Variants in BCAR3 observed in about 807,000 individuals in gnomAD.
BCAR3 encodes BCAR3 adaptor protein, NSP family member, also known as breast cancer anti-estrogen resistance protein 3.
BCAR3 carries 37 observed loss-of-function variants against 80.1 expected under a neutral mutation model. That is an observed-to-expected ratio of 0.46 (90% CI 0.36 to 0.61). BCAR3 has a LOEUF of 0.61. BCAR3 is among the 20% of genes least tolerant of loss of function. BCAR3 has a pLI of 0.00. For synonymous variants in BCAR3, 389 were observed against 418.9 expected, an observed-to-expected ratio of 0.93 and a Z score of 0.87; for missense variants, 978 against 1,068.2, an observed-to-expected ratio of 0.92 and a Z score of 1.18.
intron 9 of BCAR3, among the ~76,000 whole-genome samples, chr1:93,569,777 A>G (rs947952440): frequency 6.6e-6 from 1 of 152,202 alleles, no homozygotes; most frequent in African/African-American, 2.4e-5. Context: ...CCTACAAAGC[A>G]TGGTAATGTG....
At chr1:93,599,176 G>T (rs12075032) in intron 3 of BCAR3, 2 of 152,060 alleles carry the variant, frequency 1.3e-5, no homozygotes, top group Non-Finnish European at 2.9e-5. Flanking sequence ...ACTGAGCGAA[G>T]AAGATACTCT....
intron 3 of BCAR3, among the ~76,000 whole-genome samples, chr1:93,607,576 G>A (rs186972573): frequency 6.1e-4 from 93 of 151,524 alleles, no homozygotes; most frequent in African/African-American, 2.0e-3. Flanking sequence ...CACTCACTCC[G>A]CATCCAAGCC....
At chr1:93,800,303 G>T (rs1407493140) in intron 2 of BCAR3, among the ~76,000 whole-genome samples, 2 of 152,134 alleles carry the variant, frequency 1.3e-5, no homozygotes, top group Non-Finnish European at 2.9e-5. Flanking sequence ...GCTGGGCATG[G>T]TGGCTCACAT....
At chr1:93,608,038 A>G (rs1674832376) in intron 3 of BCAR3, among the ~76,000 whole-genome samples, 1 of 152,170 alleles carries the variant, frequency 6.6e-6, no homozygotes, top group South Asian at 2.1e-4. Context: ...TAGTTCCTCA[A>G]ATCTCATCTT....
At chr1:93,749,147 GGTGT>G (rs57871721) in intron 2 of BCAR3, among the ~76,000 whole-genome samples, 1 of 150,458 alleles carries the variant, frequency 6.6e-6, no homozygotes, top group Admixed American at 6.6e-5. Context: ...AACAAATAAT[GGTGT>G]GTGTGTGTGT....
intron 2 of BCAR3, among the ~76,000 whole-genome samples, chr1:93,669,777 A>G (rs1439014143): frequency 6.6e-6 from 1 of 152,244 alleles, no homozygotes. Context: ...ATGAATTAAC[A>G]GCATTTGCAG....
rs1672698277 is a variant in BCAR3, at chr1:93,562,121, T to C, written c.*120A>G. 1 of 1,028,764 alleles carries C rather than the reference T, an allele frequency of 9.7e-7. No homozygotes were observed. Among genetic ancestry groups the C allele is most frequent in the Non-Finnish European group, 1.4e-6 (1 of 715,690 alleles). 63.7% of individuals were successfully genotyped at this position (1,028,764 alleles called of 1,614,324 possible). On this transcript the variant is annotated 3_prime_UTR_variant, in exon 12 of 12. Coordinates refer to ENST00000260502, the MANE Select transcript of BCAR3 (RefSeq NM_003567.4). ...ATTTACACGTTTAATATCCTGTGGA[T>C]ACTAAAAGCTTGTATATTGTCAGAT...
At chr1:93,589,618 C>T (rs938630194) in intron 4 of BCAR3, among the ~76,000 whole-genome samples, 199 bp from the exon 5 acceptor site, 7 of 152,352 alleles carry the variant, frequency 4.6e-5, no homozygotes, top group Middle Eastern at 3.4e-3. Context: ...ACCACCTACT[C>T]GTGCCAAGCA....
At chr1:93,802,358 C>G (rs780478040) in intron 2 of BCAR3, among the ~76,000 whole-genome samples, 6 of 151,960 alleles carry the variant, frequency 3.9e-5, no homozygotes, top group South Asian at 2.1e-4. Context: ...TTCCAGTCAG[C>G]CTTTGACACC....
chr1:93,621,229 C>T (rs1675297495), intron 3 of BCAR3, among the ~76,000 whole-genome samples: 1 of 152,218 alleles, frequency 6.6e-6, no homozygotes, highest in African/African-American at 2.4e-5. Context: ...TGGTCATAAG[C>T]TGATCATGGG....
At chr1:93,787,648 AG>A (rs1489216327) in intron 2 of BCAR3, among the ~76,000 whole-genome samples, 1 of 152,136 alleles carries the variant, frequency 6.6e-6, no homozygotes, top group Non-Finnish European at 1.5e-5. Flanking sequence ...GTTTATTTCC[AG>A]TTTTATTCCA....
At chr1:93,660,102 G>A (rs755370150) in intron 2 of BCAR3, among the ~76,000 whole-genome samples, 3 of 151,924 alleles carry the variant, frequency 2.0e-5, no homozygotes, top group Non-Finnish European at 2.9e-5. Context: ...ATACGCGGAA[G>A]ACCTAGACCT....
At position 93,764,785 on chromosome 1, in the gene BCAR3, A is replaced by G. The variant is rs139150948; in HGVS notation, c.-62-58643T>C. Among the ~76,000 whole-genome samples, 827 of 152,034 alleles carry G rather than the reference A, an allele frequency of 5.4e-3. 3 individuals are homozygous for G. The highest frequency in any genetic ancestry group is 0.019 in the African/African-American group (777 of 41,450). On this transcript the variant is annotated intron_variant, in intron 2 of 13. Coordinates refer to the BCAR3 transcript ENST00000370244. ...CTGGTCAGAATGCTTCCTCTCTTCA[A>G]TTTTGGTATCTAGCTCTCCTTTGGG... is the stretch of plus-strand genomic sequence containing the variant.
intron 2 of BCAR3, among the ~76,000 whole-genome samples, chr1:93,651,200 C>T (rs1256534696): frequency 6.6e-6 from 1 of 152,128 alleles, no homozygotes; most frequent in Admixed American, 6.5e-5. Context: ...TCAGTAACAG[C>T]TTAGGACTTC....
At chr1:93,597,087 A>G (rs888764718) in intron 3 of BCAR3, among the ~76,000 whole-genome samples, 1 of 152,226 alleles carries the variant, frequency 6.6e-6, no homozygotes. Context: ...TTAGAGGCAC[A>G]GGGAGAGTAA....
intron 2 of BCAR3, among the ~76,000 whole-genome samples, chr1:93,803,075 G>T (rs1653543998): frequency 6.6e-6 from 1 of 152,168 alleles, no homozygotes; most frequent in Non-Finnish European, 1.5e-5. Context: ...CAACCTTTAT[G>T]AGCATCCCCT....
intron 10 of BCAR3, 97 bp downstream of exon 10, chr1:93,567,643 G>T: frequency 7.1e-7 from 1 of 1,401,036 alleles, no homozygotes. Flanking sequence ...GCCATCCACA[G>T]TGCTGCAGAT....
In BCAR3 at chr1:93,741,077, T is replaced by A. The variant is rs568315230; in HGVS notation, c.-62-34935A>T. Among the ~76,000 whole-genome samples, 160 of 152,268 alleles carry A rather than the reference T, an allele frequency of 1.1e-3. 1 individual carries two copies. The highest frequency in any genetic ancestry group is 6.8e-3 in the Middle Eastern group (2 of 294). On this transcript the variant is annotated intron_variant, in intron 2 of 13. Transcript: ENST00000370244. ...TGACATCAAGTGACCAGTGCCTAAA[T>A]CTGTTAGGTGGCTTCAGGAAATATG...
At chr1:93,764,560 ACT>A (rs1652075606) in intron 2 of BCAR3, among the ~76,000 whole-genome samples, 1 of 150,538 alleles carries the variant, frequency 6.6e-6, no homozygotes, top group African/African-American at 2.4e-5. Flanking sequence ...GGCTATCACC[ACT>A]CTCTTCCTGA....
Sources: allele counts gnomAD v4.1 joint callset (sites outside exome capture counted in the v4.1 genomes callset), GRCh38; gene constraint gnomAD v4.1.1; transcripts MANE v1.5; gene names NCBI Gene and HGNC (gene_info 2026-07-23, HGNC 2026-07-21).